Variants in CSMD1 observed in about 807,000 individuals in gnomAD.
The protein encoded by CSMD1 is CUB and Sushi multiple domains 1, also known as CUB and sushi domain-containing protein 1.
Under a neutral mutation model 417.5 loss-of-function variants are expected in CSMD1, and 213 were observed. The ratio of observed to expected loss-of-function variants is 0.51; its 90% confidence interval spans 0.46 to 0.57. The LOEUF (loss-of-function observed/expected upper bound fraction) is 0.57. Ranked by LOEUF, CSMD1 falls within the 20% of genes least tolerant of loss-of-function variation. The pLI, the probability that CSMD1 is intolerant of heterozygous loss-of-function variation, is 0.00. For synonymous variants in CSMD1, 2,862 were observed against 1,736.8 expected, an observed-to-expected ratio of 1.65 and a Z score of -16.11; for missense variants, 6,923 against 4,529.7, an observed-to-expected ratio of 1.53 and a Z score of -15.17.
intron 6 of CSMD1, among the ~76,000 whole-genome samples, chr8:3,750,036 A>T (rs1322665022): frequency 6.6e-6 from 1 of 152,126 alleles, no homozygotes; most frequent in African/African-American, 2.4e-5. Flanking sequence ...TATAGTCATT[A>T]TTGAGTTCTT....
chr8:3,665,833 CTT>C (rs1798663305), intron 7 of CSMD1, among the ~76,000 whole-genome samples: 1 of 152,110 alleles, frequency 6.6e-6, no homozygotes, highest in Non-Finnish European at 1.5e-5. Flanking sequence ...CAACCCAAGG[CTT>C]AGGCTCCTGC....
At chr8:4,052,672 C>A (rs114630015) in intron 3 of CSMD1, among the ~76,000 whole-genome samples, 187 of 152,210 alleles carry the variant, frequency 1.2e-3, no homozygotes, top group African/African-American at 3.9e-3. Flanking sequence ...AAGGAATCAT[C>A]CCATAATAAG....
At chr8:4,072,240 G>C (rs1275053693) in intron 3 of CSMD1, among the ~76,000 whole-genome samples, 1 of 152,116 alleles carries the variant, frequency 6.6e-6, no homozygotes, top group African/African-American at 2.4e-5. Context: ...AGTGAAGAAG[G>C]GTTGAATCCC....
chr8:4,390,128 C>T (rs1035189703), intron 3 of CSMD1, among the ~76,000 whole-genome samples: 2 of 152,288 alleles, frequency 1.3e-5, no homozygotes, highest in Admixed American at 1.3e-4. Context: ...TAATGCTCAG[C>T]AATTGGACTT....
chr8:3,069,441 A>T (rs1813177619), intron 49 of CSMD1, among the ~76,000 whole-genome samples: 1 of 151,964 alleles, frequency 6.6e-6, no homozygotes, highest in African/African-American at 2.4e-5. Flanking sequence ...TCTGAAAAAA[A>T]AAAAAGAAAA....
At chr8:4,990,978 T>C (rs1483995901) in intron 1 of CSMD1, among the ~76,000 whole-genome samples, 1 of 152,164 alleles carries the variant, frequency 6.6e-6, no homozygotes, top group Non-Finnish European at 1.5e-5. Flanking sequence ...TAACGAATGT[T>C]CCACCTTTCT....
At chr8:4,007,194 T>A (rs1179106898) in intron 4 of CSMD1, among the ~76,000 whole-genome samples, 1 of 152,076 alleles carries the variant, frequency 6.6e-6, no homozygotes, top group African/African-American at 2.4e-5. Flanking sequence ...TCATAGAACA[T>A]GCCTTCTATA....
chr8:3,667,267 G>C (rs907106589), intron 7 of CSMD1, among the ~76,000 whole-genome samples: 4 of 152,052 alleles, frequency 2.6e-5, no homozygotes, highest in Non-Finnish European at 4.4e-5. Context: ...TAGGTTTTAT[G>C]ATATGTCAGA....
intron 62 of CSMD1, among the ~76,000 whole-genome samples, chr8:2,960,037 CATT>C (rs1358944764): frequency 1.3e-5 from 2 of 152,200 alleles, no homozygotes; most frequent in Non-Finnish European, 2.9e-5. Flanking sequence ...ATACAGTCAT[CATT>C]GACTTTTAAT....
In CSMD1 at chr8:3,972,462, C is replaced by T. The variant is rs556970196; in HGVS notation, c.818+25441G>A. Among the ~76,000 whole-genome samples, 91 of 152,256 alleles carry T rather than the reference C, an allele frequency of 6.0e-4. 1 individual carries two copies. The highest frequency in any genetic ancestry group is 1.1e-3 in the Non-Finnish European group (73 of 68,002). Reference sequence around the variant, plus strand: ...GTCTTTGTAAACAGTGATTCCTTGGCTTCTTTCATTCCTTTCTCATTGGAA... The same window carrying T: ...GTCTTTGTAAACAGTGATTCCTTGGTTTCTTTCATTCCTTTCTCATTGGAA... On this transcript the variant is annotated intron_variant, in intron 5 of 69. Coordinates refer to ENST00000635120, the MANE Select transcript of CSMD1 (RefSeq NM_033225.6).
At chr8:4,949,834 A>G (rs1808618714) in intron 1 of CSMD1, among the ~76,000 whole-genome samples, 1 of 152,172 alleles carries the variant, frequency 6.6e-6, no homozygotes, top group Admixed American at 6.6e-5. Context: ...AGGACAGGAT[A>G]TATATATAGA....
chr8:3,636,786 C>T (rs1221706284), intron 7 of CSMD1, among the ~76,000 whole-genome samples: 2 of 152,148 alleles, frequency 1.3e-5, no homozygotes, highest in African/African-American at 4.8e-5. Context: ...CACTTCCACA[C>T]TTTGAGTTTC....
chr8:4,660,068 G>C (rs977955185), intron 1 of CSMD1, among the ~76,000 whole-genome samples: 4 of 143,356 alleles, frequency 2.8e-5, no homozygotes, highest in Non-Finnish European at 4.5e-5. Context: ...TAAAAGAAAG[G>C]ATGTCCACTC....
intron 1 of CSMD1, among the ~76,000 whole-genome samples, chr8:4,951,324 C>A (rs1563850077): frequency 6.6e-6 from 1 of 151,984 alleles, no homozygotes; most frequent in Non-Finnish European, 1.5e-5. Context: ...ACTTCACAAA[C>A]CATATTTCTA....
intron 3 of CSMD1, among the ~76,000 whole-genome samples, chr8:4,347,993 T>G (rs568813432): frequency 3.4e-4 from 51 of 152,188 alleles, no homozygotes; most frequent in African/African-American, 1.2e-3. Context: ...CTGGCAAACA[T>G]GCGTCACTTA....
At chr8:4,681,565 G>C (rs375743784) in intron 1 of CSMD1, among the ~76,000 whole-genome samples, 18 of 152,236 alleles carry the variant, frequency 1.2e-4, no homozygotes, top group African/African-American at 3.9e-4. Flanking sequence ...GCTTTCTGGT[G>C]CTTGCTATTG....
At chr8:4,004,493 G>C (rs918744826) in intron 4 of CSMD1, among the ~76,000 whole-genome samples, 3 of 150,790 alleles carry the variant, frequency 2.0e-5, no homozygotes, top group Non-Finnish European at 2.9e-5. Context: ...TATATATCTG[G>C]ATTTTTGTGT....
chr8:4,862,444 A>G (rs955414656), intron 1 of CSMD1, among the ~76,000 whole-genome samples: 2 of 152,112 alleles, frequency 1.3e-5, no homozygotes, highest in African/African-American at 4.8e-5. Flanking sequence ...GGGTAGAGGC[A>G]TGTGTGACTA....
At chr8:3,777,766 C>G (rs1435096249) in intron 5 of CSMD1, among the ~76,000 whole-genome samples, 1 of 93,058 alleles carries the variant, frequency 1.1e-5, no homozygotes, top group Non-Finnish European at 2.2e-5. Flanking sequence ...TGCAGAGTCT[C>G]AGTTCCCACT....
Sources: gnomAD v4.1 joint callset for allele counts (sites outside exome capture counted in the v4.1 genomes callset) on GRCh38, gnomAD v4.1.1 for gene constraint, MANE v1.5 for transcripts, NCBI Gene and HGNC (gene_info 2026-07-23, HGNC 2026-07-21) for gene names.